Variants in KDM2B observed in about 807,000 individuals in gnomAD.
KDM2B encodes lysine demethylase 2B.
A neutral mutation model predicts 150.0 loss-of-function variants in KDM2B; 26 were observed. That is an observed-to-expected ratio of 0.17 (90% CI 0.13 to 0.24). The LOEUF (loss-of-function observed/expected upper bound fraction) is 0.24. KDM2B is among the 10% of genes least tolerant of loss of function. The pLI is 1.00. For synonymous variants in KDM2B, 734 were observed against 729.5 expected (o/e 1.01, Z -0.10); for missense variants, 1,265 against 1,816.9 (o/e 0.70, Z 5.52).
downstream of KDM2B, among the ~76,000 whole-genome samples, chr12:121,427,207 C>T (rs992865863): frequency 1.3e-5 from 2 of 151,566 alleles, no homozygotes; most frequent in African/African-American, 4.8e-5. Flanking sequence ...TTGCTTGTAG[C>T]ATTTAGCCTC....
chr12:121,440,355 A>G (rs1297407166), intron 21 of KDM2B: 1 of 489,180 alleles, frequency 2.0e-6, no homozygotes, highest in East Asian at 3.9e-5. Flanking sequence ...GCTGCGCAGC[A>G]TCTCCGATCC....
chr12:121,443,187 G>T, intron 17 of KDM2B, 157 bp from the exon 18 acceptor site: 3 of 680,330 alleles, frequency 4.4e-6, no homozygotes, highest in Non-Finnish European at 7.7e-6. Flanking sequence ...CCGACAGACG[G>T]GCGAGCCCTG....
chr12:121,546,019 C>A (rs1889009921), intron 6 of KDM2B, among the ~76,000 whole-genome samples: 4 of 152,174 alleles, frequency 2.6e-5, no homozygotes. Context: ...CTTGACTGGG[C>A]GAATCTCCTC....
chr12:121,448,887 A>T (rs1450139055), intron 13 of KDM2B, among the ~76,000 whole-genome samples: 1 of 152,174 alleles, frequency 6.6e-6, no homozygotes, highest in Non-Finnish European at 1.5e-5. Context: ...ACATGGAAAA[A>T]TCATGTTCAA....
In KDM2B at chr12:121,513,405, G is replaced by A; in HGVS notation, c.1048-3C>T. 1 of 1,610,026 alleles carries A rather than the reference G, an allele frequency of 6.2e-7. No homozygotes were observed. ...GGGTAACGGAATTTGGGCTGCACCT[G>A]AAAGCAAAGACGCAGGCAGGCAGAG... On this transcript the variant is annotated splice_polypyrimidine_tract_variant and splice_region_variant and intron_variant, in intron 9 of 22. Coordinates refer to ENST00000377071, the MANE Select transcript of KDM2B (RefSeq NM_032590.5). The surrounding 1 kb of genome is among the most constrained non-coding windows in gnomAD (Gnocchi z 5.0).
At chr12:121,475,167 A>T (rs1881208242) in intron 12 of KDM2B, among the ~76,000 whole-genome samples, 1 of 148,046 alleles carries the variant, frequency 6.8e-6, no homozygotes, top group Non-Finnish European at 1.5e-5. Flanking sequence ...CCCTGTCATT[A>T]AACTACACAT....
intron 10 of KDM2B, among the ~76,000 whole-genome samples, chr12:121,512,719 G>A (rs999814581): frequency 5.3e-5 from 8 of 151,992 alleles, no homozygotes; most frequent in Admixed American, 2.6e-4. Flanking sequence ...AGCCGTGTTC[G>A]GGGGGGATGA....
At chr12:121,478,383 G>A (rs1240895794) in intron 12 of KDM2B, among the ~76,000 whole-genome samples, 6 of 142,918 alleles carry the variant, frequency 4.2e-5, no homozygotes, top group East Asian at 2.0e-4. Context: ...TTTTTAAGAC[G>A]GAGTCGTGCT....
At chr12:121,565,274 T>A (rs2136324447) in intron 4 of KDM2B, among the ~76,000 whole-genome samples, 1 of 152,018 alleles carries the variant, frequency 6.6e-6, no homozygotes, top group Non-Finnish European at 1.5e-5. Context: ...TGGAGTCACC[T>A]CATTTATGAC....
chr12:121,471,588 G>A (rs935034410), intron 12 of KDM2B, among the ~76,000 whole-genome samples: 3 of 152,148 alleles, frequency 2.0e-5, no homozygotes, highest in Non-Finnish European at 2.9e-5. Context: ...GCCTCTCCAT[G>A]CCCACTTCTA....
At chr12:121,426,120 C>G (rs148258445), downstream of KDM2B, among the ~76,000 whole-genome samples, 550 of 152,250 alleles carry the variant, frequency 3.6e-3, 1 homozygote, top group African/African-American at 0.013. Flanking sequence ...GCCATAGAAG[C>G]TAAGCAGTAG....
intron 4 of KDM2B, among the ~76,000 whole-genome samples, chr12:121,556,195 G>A (rs1217417435): frequency 6.6e-6 from 1 of 152,056 alleles, no homozygotes; most frequent in Non-Finnish European, 1.5e-5. Flanking sequence ...AAAATGCTGG[G>A]ATTACAGGGG....
intron 22 of KDM2B, chr12:121,432,977 T>C: frequency 2.7e-6 from 1 of 374,122 alleles, no homozygotes; most frequent in East Asian, 7.3e-5. Flanking sequence ...CCTGTAGCTG[T>C]CAGACGGCTG....
chr12:121,483,684 AAACAAAAAC>A (rs1882409772), intron 12 of KDM2B, among the ~76,000 whole-genome samples: 1 of 148,790 alleles, frequency 6.7e-6, no homozygotes. Flanking sequence ...CTCAGAAAAA[AAACAAAAAC>A]AACAAAAAAA....
At position 121,442,801 on chromosome 12, in the gene KDM2B, C is replaced by A. The variant is rs782220122; in HGVS notation, c.2640G>T (p.Ala880=). 1 of 1,532,472 alleles carries A rather than the reference C, an allele frequency of 6.5e-7. No homozygotes were observed. Among genetic ancestry groups the A allele is most frequent in the Non-Finnish European group, 8.7e-7 (1 of 1,146,150 alleles). The allele number at this position is 1,532,472 out of a possible 1,614,324, so 94.9% of individuals were successfully genotyped here. A position where few individuals can be genotyped will look rare whatever the true frequency, so the allele number is the denominator to read the frequency against. ...RSWKNAEDRM[A]LANKPLRRFK... ...AGCGCCGGAGGGGCTTGTTGGCCAG[C>A]GCCATGCGGTCCTCGGCGTTCTTCC... The change falls in exon 19 of 23, where the codon GCG becomes GCT. Residue 880 remains alanine, a synonymous_variant. Coordinates refer to ENST00000377071, the MANE Select transcript of KDM2B (RefSeq NM_032590.5). This position sits in a 1 kb window ranked among gnomAD's most constrained non-coding sequence, Gnocchi z 7.7.
At position 121,444,441 on chromosome 12, in the gene KDM2B, G is replaced by T. The variant is rs782007741; in HGVS notation, c.2190+9C>A. ...CGACTGACCCTGGGACTTGGAGCCC[G>T]GCACTCACTTTCCCGGTCTTGCCGG... is the stretch of plus-strand genomic sequence containing the variant. On this transcript the variant is annotated intron_variant, in intron 15 of 22. Coordinates refer to ENST00000377071, the MANE Select transcript of KDM2B (RefSeq NM_032590.5). 2.5e-6 allele frequency: 4 copies of T among 1,614,018 alleles called. No homozygotes were observed. Among genetic ancestry groups the T allele is most frequent in the African/African-American group, 1.3e-5 (1 of 75,040 alleles).
At chr12:121,466,023 A>G (rs1879854577) in intron 12 of KDM2B, among the ~76,000 whole-genome samples, 1 of 152,216 alleles carries the variant, frequency 6.6e-6, no homozygotes, top group Admixed American at 6.5e-5. Flanking sequence ...AAATTCTCCA[A>G]CAAAGCTGAG....
intron 4 of KDM2B, among the ~76,000 whole-genome samples, chr12:121,566,703 G>T (rs1555314997): frequency 6.6e-6 from 1 of 151,844 alleles, no homozygotes. Context: ...GGATGAGGCA[G>T]GAGAATCGCT....
the KDM2B span, among the ~76,000 whole-genome samples, chr12:121,411,033 CAA>C: frequency 6.6e-6 from 1 of 152,266 alleles, no homozygotes; most frequent in East Asian, 1.9e-4. Context: ...CTCCCAGGCT[CAA>C]GAGATCCTTT....
Sources: allele counts gnomAD v4.1 joint callset (sites outside exome capture counted in the v4.1 genomes callset), GRCh38; gene constraint gnomAD v4.1.1; non-coding constraint Gnocchi (gnomAD v3.1); transcripts MANE v1.5; gene names NCBI Gene and HGNC (gene_info 2026-07-23, HGNC 2026-07-21).